Variants in CPT1A observed in about 807,000 individuals in gnomAD.
The protein encoded by CPT1A is carnitine O-palmitoyltransferase 1, liver isoform.
Under a neutral mutation model 100.8 loss-of-function variants are expected in CPT1A, and 64 were observed. The ratio of observed to expected loss-of-function variants is 0.63; its 90% CI spans 0.52 to 0.78. The LOEUF (loss-of-function observed/expected upper bound fraction) is 0.78, where lower values mean the gene tolerates loss of function less well. Ranked by LOEUF, CPT1A falls within the 30% of genes least tolerant of loss-of-function variation. The pLI is 0.00. For synonymous variants in CPT1A, 363 were observed against 396.0 expected (o/e 0.92, Z 0.99); for missense variants, 802 against 1,034.1 (o/e 0.78, Z 3.08).
At chr11:68,830,826 C>T (rs1856857797) in intron 1 of CPT1A, among the ~76,000 whole-genome samples, 1 of 152,214 alleles carries the variant, frequency 6.6e-6, no homozygotes, top group Admixed American at 6.5e-5. Flanking sequence ...AGAAATTCTA[C>T]AAGAGACATT....
intron 1 of CPT1A, among the ~76,000 whole-genome samples, chr11:68,826,893 A>C (rs939309368): frequency 1.3e-5 from 2 of 152,166 alleles, no homozygotes; most frequent in African/African-American, 2.4e-5. Context: ...ACCTTCCTGG[A>C]AACAGACAGC....
At chr11:68,777,989 C>T (rs1326197562) in intron 12 of CPT1A, among the ~76,000 whole-genome samples, 1 of 152,170 alleles carries the variant, frequency 6.6e-6, no homozygotes, top group Non-Finnish European at 1.5e-5. Context: ...CCAAAGAACC[C>T]TGGTGGTGGT....
At chr11:68,759,722 T>C in intron 17 of CPT1A, 61 bp from the exon 18 acceptor site, 1 of 1,218,582 alleles carries the variant, frequency 8.2e-7, no homozygotes, top group Non-Finnish European at 1.2e-6. Flanking sequence ...AAAAGGGACT[T>C]TCTAATGTTC....
rs373547741 is a variant in CPT1A at position 68,759,555 on chromosome 11, C to T, written c.2235+14G>A. 3.8e-6 allele frequency: 6 copies of T among 1,563,826 alleles called. 1 individual carries two copies. In the Admixed American group the frequency reaches 5.0e-5, roughly 13 times the overall value. On this transcript the variant is annotated intron_variant, in intron 18 of 18. Transcript: ENST00000265641. ...ACCCCATCTTCAGAAAAAGGAACTT[C>T]TTTTCATACATACCGTCTCAGGGCA...
Position 68,794,853 on chromosome 11 carries a change from T to G in CPT1A, c.830A>C (p.His277Pro), listed in dbSNP as rs1348242755. 5 of 1,614,244 alleles carry G rather than the reference T, an allele frequency of 3.1e-6. No homozygotes were observed. The change falls in exon 8 of 19, where the codon CAT becomes CCT. Residue 277 changes from histidine to proline, a missense_variant. His to Pro is a moderately conservative substitution (Grantham distance 77). Transcript: ENST00000265641. ...TTTGCGCCTGTAAAGCAGGATGGCA[T>G]GGATGGCGTTGCCGGCTCTTGCTGC... ...IQAARAGNAI[H>P]AILLYRRKLD... is the part of the protein sequence containing the mutation.
chr11:68,819,736 G>A (rs1167158833), intron 1 of CPT1A, among the ~76,000 whole-genome samples: 1 of 152,186 alleles, frequency 6.6e-6, no homozygotes, highest in East Asian at 1.9e-4. Flanking sequence ...TTGTTTATTT[G>A]GACTGGTTCA....
intron 8 of CPT1A, among the ~76,000 whole-genome samples, chr11:68,794,372 T>C (rs1437312168): frequency 6.6e-6 from 1 of 152,182 alleles, no homozygotes; most frequent in Non-Finnish European, 1.5e-5. Context: ...GATGCATCAA[T>C]ATATACACAT....
intron 14 of CPT1A, among the ~76,000 whole-genome samples, chr11:68,773,014 C>T (rs1855033873): frequency 6.6e-6 from 1 of 152,204 alleles, no homozygotes; most frequent in African/African-American, 2.4e-5. Context: ...TCACTTTGTC[C>T]TCATCCCCCA....
intron 12 of CPT1A, among the ~76,000 whole-genome samples, chr11:68,775,777 C>A (rs1236037595): frequency 1.3e-5 from 2 of 152,224 alleles, no homozygotes; most frequent in African/African-American, 4.8e-5. Context: ...ACAGCGCAGA[C>A]AAGAACTGTG....
intron 10 of CPT1A, 39 bp downstream of exon 10, chr11:68,784,776 C>T: frequency 1.3e-6 from 2 of 1,592,080 alleles, no homozygotes; most frequent in Non-Finnish European, 1.7e-6. Context: ...AGCGCCTCCA[C>T]CACCCCCCAA....
Position 68,822,188 on chromosome 11 carries a change from C to T in CPT1A, c.-13-6701G>A, listed in dbSNP as rs534935909. 5.9e-4 allele frequency among the ~76,000 whole-genome samples: 89 copies of T among 151,398 alleles called. 1 individual carries two copies. Among genetic ancestry groups the T allele is most frequent in the South Asian group, 1.3e-3 (6 of 4,786 alleles). On this transcript the variant is annotated intron_variant, in intron 1 of 18. Coordinates refer to ENST00000265641, the MANE Select transcript of CPT1A (RefSeq NM_001876.4). ...AGGCCAGGAGTTCCAGACCAGCCTGCGCAACATGGCAAGCCCCTGTCTCTG... is the reference window on the plus strand; with the variant it reads ...AGGCCAGGAGTTCCAGACCAGCCTGTGCAACATGGCAAGCCCCTGTCTCTG...
At position 68,791,516 on chromosome 11, in the gene CPT1A, C is replaced by T. The variant is rs561669453; in HGVS notation, c.967+1799G>A. Reference sequence around the variant, plus strand: ...GTTTAGCCAGAAACACTGTGAAATCCGTGAACACACATGGAGTGGGTTCTT... The same window carrying T: ...GTTTAGCCAGAAACACTGTGAAATCTGTGAACACACATGGAGTGGGTTCTT... On this transcript the variant is annotated intron_variant, in intron 9 of 18. Coordinates refer to ENST00000265641, the MANE Select transcript of CPT1A (RefSeq NM_001876.4). Among the ~76,000 whole-genome samples, 15 of 152,270 alleles carry T rather than the reference C, an allele frequency of 9.9e-5. No individual in the cohort carries two copies. In the South Asian group the frequency reaches 1.9e-3, roughly 19 times the overall value.
rs754845537 is a variant in CPT1A, at chr11:68,757,428, G to A, written c.*216C>T. On this transcript the variant is annotated 3_prime_UTR_variant, in exon 19 of 19. Coordinates refer to ENST00000265641, the MANE Select transcript of CPT1A (RefSeq NM_001876.4). ...GACATCAGGGGAGACTTTATCAGAT[G>A]TCCCCCAAGGGAGGGCAAGTCTGGA... is the stretch of plus-strand genomic sequence containing the variant. The A allele has an allele frequency of 3.5e-6, 5 of 1,423,942 alleles. No homozygotes were observed. Among genetic ancestry groups the A allele is most frequent in the Non-Finnish European group, 4.6e-6 (5 of 1,094,234 alleles). The allele number at this position is 1,423,942 out of a possible 1,614,324, so 88.2% of individuals were successfully genotyped here.
intron 1 of CPT1A, among the ~76,000 whole-genome samples, chr11:68,819,824 T>C (rs866099903): frequency 4.2e-4 from 64 of 152,312 alleles, no homozygotes; most frequent in African/African-American, 1.4e-3. Flanking sequence ...AGATGGGCTG[T>C]CCTGACCTAG....
intron 1 of CPT1A, among the ~76,000 whole-genome samples, chr11:68,840,119 G>A (rs1021326091): frequency 6.6e-6 from 1 of 152,228 alleles, no homozygotes; most frequent in Non-Finnish European, 1.5e-5. Flanking sequence ...ACAGGCTCTT[G>A]GTATTGAGGC....
intron 14 of CPT1A, among the ~76,000 whole-genome samples, chr11:68,765,550 T>C (rs1854775234): frequency 6.6e-6 from 1 of 152,204 alleles, no homozygotes; most frequent in African/African-American, 2.4e-5. Flanking sequence ...ATATATGGCA[T>C]CACACACTAG....
chr11:68,815,493 AG>A lies in CPT1A; in HGVS notation c.-13-7del. ...CTGCCATCTTCAGAGAGTACCTGGA[AG>A]GAGAAGGAGAAAATGTAACACAGTG... On this transcript the variant is annotated splice_region_variant and splice_polypyrimidine_tract_variant and intron_variant, in intron 1 of 18. Transcript: ENST00000265641. 6.2e-7 allele frequency: 1 copy of A among 1,613,828 alleles called. No individual in the cohort carries two copies. The highest frequency in any genetic ancestry group is 8.5e-7 in the Non-Finnish European group (1 of 1,179,898).
intron 3 of CPT1A, among the ~76,000 whole-genome samples, chr11:68,811,833 GA>G (rs201455751): frequency 1.3e-5 from 2 of 149,342 alleles, no homozygotes; most frequent in Admixed American, 6.7e-5. Flanking sequence ...CAGGTGGTTA[GA>G]AAAAAAAAAT....
At chr11:68,790,218 A>C (rs960897913) in intron 9 of CPT1A, among the ~76,000 whole-genome samples, 2 of 151,904 alleles carry the variant, frequency 1.3e-5, no homozygotes, top group African/African-American at 2.4e-5. Flanking sequence ...CCACAGGTAC[A>C]CACCACTATG....
Sources: gnomAD v4.1 joint callset for allele counts (sites outside exome capture counted in the v4.1 genomes callset) on GRCh38, gnomAD v4.1.1 for gene constraint, MANE v1.5 for transcripts, NCBI Gene and HGNC (gene_info 2026-07-23, HGNC 2026-07-21) for gene names.